Variants in NR6A1 observed in about 807,000 individuals in gnomAD.
NR6A1 encodes retinoic acid receptor-related testis-associated receptor.
NR6A1 carries 7 observed loss-of-function variants against 59.1 expected under a neutral mutation model. That is an observed-to-expected ratio of 0.12 (90% CI 0.07 to 0.22). The LOEUF (loss-of-function observed/expected upper bound fraction) is 0.22. Ranked by LOEUF, NR6A1 falls within the 10% of genes least tolerant of loss-of-function variation. The pLI is 1.00. For missense variants in NR6A1, 468 were observed against 611.6 expected (o/e 0.77, Z 2.48); for synonymous variants, 243 against 236.1 (o/e 1.03, Z -0.27).
At chr9:124,722,562 T>C (rs1457185247) in intron 2 of NR6A1, among the ~76,000 whole-genome samples, 1 of 152,164 alleles carries the variant, frequency 6.6e-6, no homozygotes, top group Admixed American at 6.5e-5. Context: ...CACGTGACAG[T>C]TGAATGCAAA....
At chr9:124,611,774 A>AGAGAGAGAGAGAGAGAGT (rs148472095) in intron 2 of NR6A1, among the ~76,000 whole-genome samples, 1 of 105,666 alleles carries the variant, frequency 9.5e-6, no homozygotes, top group Non-Finnish European at 1.8e-5. Flanking sequence ...AGAGAGAGAG[A>AGAGAGAGAGAGAGAGAGT]GAGAGAGAAT....
At chr9:124,595,152 G>C (rs1835234574) in intron 2 of NR6A1, among the ~76,000 whole-genome samples, 1 of 152,192 alleles carries the variant, frequency 6.6e-6, no homozygotes, top group African/African-American at 2.4e-5. Flanking sequence ...AAATAAACAA[G>C]TTATAACACT....
chr9:124,604,223 A>G (rs972953685), intron 2 of NR6A1, among the ~76,000 whole-genome samples: 3 of 152,114 alleles, frequency 2.0e-5, no homozygotes, highest in Admixed American at 6.5e-5. Context: ...CTGATATCCA[A>G]CTGCCTCCTG....
intron 2 of NR6A1, among the ~76,000 whole-genome samples, chr9:124,633,398 G>T (rs867147291): frequency 1.3e-4 from 12 of 90,260 alleles, no homozygotes; most frequent in African/African-American, 6.8e-4. Flanking sequence ...GCGAAACTCC[G>T]TCTCAAAAAA....
intron 2 of NR6A1, among the ~76,000 whole-genome samples, chr9:124,715,412 G>A (rs765812714): frequency 1.3e-5 from 2 of 152,030 alleles, no homozygotes; most frequent in East Asian, 3.9e-4. Flanking sequence ...GTGAGTACCT[G>A]TAGTCCCAGC....
intron 2 of NR6A1, among the ~76,000 whole-genome samples, chr9:124,647,055 C>T (rs1836950030): frequency 6.6e-6 from 1 of 152,184 alleles, no homozygotes; most frequent in Non-Finnish European, 1.5e-5. Flanking sequence ...GCTAGGACTA[C>T]AGGCTCACAC....
chr9:124,621,476 A>G (rs550650476), intron 2 of NR6A1, among the ~76,000 whole-genome samples: 224 of 116,858 alleles, frequency 1.9e-3, no homozygotes, highest in Admixed American at 3.3e-3. Flanking sequence ...GTGAGACCCA[A>G]TATCTTTAAA....
chr9:124,553,903 C>T (rs1434934978), intron 3 of NR6A1, among the ~76,000 whole-genome samples: 4 of 152,126 alleles, frequency 2.6e-5, no homozygotes, highest in Non-Finnish European at 5.9e-5. Flanking sequence ...AAACTCCTCA[C>T]CAACCTAGAC....
intron 1 of NR6A1, among the ~76,000 whole-genome samples, chr9:124,769,377 GAACT>G (rs1306278107): frequency 1.3e-5 from 2 of 152,036 alleles, no homozygotes; most frequent in Non-Finnish European, 2.9e-5. Flanking sequence ...CAGATCTCCT[GAACT>G]AACAAAATGT....
rs542399381 is a variant in NR6A1 at position 124,682,933 on chromosome 9, C to T, written c.142+50375G>A. ...CAAGACTTGAATCCAAGGACTGGCA[C>T]AGTGGCTCATGCCTGTAATCCCAGC... On this transcript the variant is annotated intron_variant, in intron 2 of 9. Coordinates refer to ENST00000487099, the MANE Select transcript of NR6A1 (RefSeq NM_033334.4). Among the ~76,000 whole-genome samples the T allele has an allele frequency of 6.1e-4, 93 of 152,290 alleles. 1 individual carries two copies. In the South Asian group the frequency reaches 0.018, roughly 30 times the overall value.
At chr9:124,613,560 C>A (rs1835812762) in intron 2 of NR6A1, among the ~76,000 whole-genome samples, 2 of 152,246 alleles carry the variant, frequency 1.3e-5, no homozygotes, top group South Asian at 4.2e-4. Context: ...ACTAGGGAGG[C>A]TGAGGTGGGA....
intron 1 of NR6A1, among the ~76,000 whole-genome samples, chr9:124,755,483 G>A (rs539206923): frequency 6.6e-6 from 1 of 152,206 alleles, no homozygotes; most frequent in East Asian, 1.9e-4. Flanking sequence ...ACACCTTACC[G>A]CTTGCTCAAA....
intron 1 of NR6A1, among the ~76,000 whole-genome samples, chr9:124,759,627 TAA>T (rs1840733021): frequency 2.0e-5 from 3 of 152,236 alleles, no homozygotes; most frequent in Admixed American, 1.3e-4. Context: ...AGGATACAGA[TAA>T]AAGACATTGT....
chr9:124,699,445 T>C (rs1220350356), intron 2 of NR6A1, among the ~76,000 whole-genome samples: 1 of 152,186 alleles, frequency 6.6e-6, no homozygotes, highest in Non-Finnish European at 1.5e-5. Flanking sequence ...GAAGTTGCTA[T>C]TATACTCTGT....
intron 2 of NR6A1, among the ~76,000 whole-genome samples, chr9:124,724,132 G>A (rs1205800546): frequency 6.6e-6 from 1 of 152,024 alleles, no homozygotes; most frequent in Non-Finnish European, 1.5e-5. Flanking sequence ...TTCATGACTT[G>A]GGACAATGTT....
intron 2 of NR6A1, among the ~76,000 whole-genome samples, chr9:124,670,604 T>C (rs1180918091): frequency 6.7e-6 from 1 of 150,122 alleles, no homozygotes; most frequent in African/African-American, 2.5e-5. Flanking sequence ...CATTTATGGT[T>C]CACTGTCAAC....
At chr9:124,685,788 T>A (rs1838313759) in intron 2 of NR6A1, among the ~76,000 whole-genome samples, 2 of 152,188 alleles carry the variant, frequency 1.3e-5, no homozygotes, top group Non-Finnish European at 2.9e-5. Flanking sequence ...GCATTCCCAC[T>A]CAAACATCGG....
intron 2 of NR6A1, among the ~76,000 whole-genome samples, chr9:124,717,701 A>G (rs1839444024): frequency 6.6e-6 from 1 of 152,192 alleles, no homozygotes; most frequent in African/African-American, 2.4e-5. Context: ...TATGCGTTTC[A>G]TTGCATGTAA....
chr9:124,555,729 G>A (rs943994598), intron 2 of NR6A1, among the ~76,000 whole-genome samples: 1 of 152,214 alleles, frequency 6.6e-6, no homozygotes, highest in Non-Finnish European at 1.5e-5. Context: ...GGGTGAACTA[G>A]GGAAAAATTG....
Sources: gnomAD v4.1 joint callset for allele counts (sites outside exome capture counted in the v4.1 genomes callset) on GRCh38, gnomAD v4.1.1 for gene constraint, MANE v1.5 for transcripts, NCBI Gene and HGNC (gene_info 2026-07-23, HGNC 2026-07-21) for gene names.